The following ZMIZ1 variants were observed in gnomAD, a reference collection of about 807,000 sequenced individuals.
The protein encoded by ZMIZ1 is zinc finger MIZ-type containing 1, also known as zinc finger MIZ domain-containing protein 1.
In ZMIZ1, 17 loss-of-function variants were observed where a neutral mutation model predicts 113.9. The ratio of observed to expected loss-of-function variants is 0.15; its 90% CI spans 0.10 to 0.22. The LOEUF is 0.22. Among genes scored for constraint, ZMIZ1 ranks in the 10% least tolerant of loss-of-function variants. The pLI is 1.00. For missense variants in ZMIZ1, 1,059 were observed against 1,477.8 expected (o/e 0.72, Z 4.65); for synonymous variants, 607 against 603.1 (o/e 1.01, Z -0.09).
intron 7 of ZMIZ1, among the ~76,000 whole-genome samples, chr10:79,261,403 G>C (rs373714438): frequency 5.9e-5 from 9 of 152,344 alleles, no homozygotes; most frequent in African/African-American, 1.9e-4. Flanking sequence ...AGGCGCTGGA[G>C]GGGGAGGAGG....
chr10:79,231,387 G>A (rs1849388058), intron 7 of ZMIZ1, among the ~76,000 whole-genome samples: 1 of 152,026 alleles, frequency 6.6e-6, no homozygotes, highest in Non-Finnish European at 1.5e-5. Flanking sequence ...AGCTGGGGTT[G>A]CAGGCAACCA....
chr10:79,134,859 G>A lies in ZMIZ1; in HGVS notation c.-226-4823G>A, dbSNP rs112281292. Among the ~76,000 whole-genome samples, 186 of 150,842 alleles carry A rather than the reference G, an allele frequency of 1.2e-3. 1 individual carries two copies. Among genetic ancestry groups the A allele is most frequent in the African/African-American group, 4.3e-3 (178 of 41,078 alleles). Reference sequence around the variant, plus strand: ...GTTTTTTTTTTTGAGATGGAGTTTCGCTCTTGTTGCCCAGGCTGGTGCTAT... The same window carrying A: ...GTTTTTTTTTTTGAGATGGAGTTTCACTCTTGTTGCCCAGGCTGGTGCTAT... On this transcript the variant is annotated intron_variant, in intron 2 of 24. Transcript: ENST00000334512.
At position 79,076,901 on chromosome 10, in the gene ZMIZ1, GGGACCTGTTTAAGCCAAGA is replaced by G. The variant is rs554427384; in HGVS notation, c.-337+7635_-337+7653del. Among the ~76,000 whole-genome samples the G allele has an allele frequency of 4.6e-5, 7 of 152,214 alleles. No homozygotes were observed. In the South Asian group the frequency reaches 1.5e-3, roughly 32 times the overall value. Reference sequence around the variant, plus strand: ...GAGGGTACAAGGTTTCTCATCTGCCGGGACCTGTTTAAGCCAAGAGGATGGTAGCTTCCCATACCTCCCC... The same window carrying G: ...GAGGGTACAAGGTTTCTCATCTGCCGGGATGGTAGCTTCCCATACCTCCCC... On this transcript the variant is annotated intron_variant, in intron 1 of 24. Transcript: ENST00000334512.
intron 9 of ZMIZ1, 82 bp downstream of exon 9, chr10:79,289,971 C>T (rs1589574051): frequency 2.9e-6 from 4 of 1,369,572 alleles, no homozygotes; most frequent in South Asian, 1.3e-5. Flanking sequence ...CAGCCCTCTT[C>T]ACCCTCACAG....
At chr10:79,084,521 T>C (rs914422346) in intron 1 of ZMIZ1, among the ~76,000 whole-genome samples, 2 of 152,218 alleles carry the variant, frequency 1.3e-5, no homozygotes, top group Non-Finnish European at 2.9e-5. Flanking sequence ...AAGATGGCCA[T>C]GCTGAGGTTC....
At chr10:79,213,690 G>T (rs1250582) in intron 6 of ZMIZ1, among the ~76,000 whole-genome samples, 55,417 of 152,098 alleles carry the variant, frequency 0.36, 11,155 homozygotes, top group Non-Finnish European at 0.47. Flanking sequence ...CTCAGTGCAG[G>T]TTGGAAGTTA....
chr10:79,085,828 G>A (rs895465023), intron 1 of ZMIZ1, among the ~76,000 whole-genome samples: 4 of 152,154 alleles, frequency 2.6e-5, no homozygotes, highest in African/African-American at 9.7e-5. Flanking sequence ...GGACCTGAGT[G>A]GCCATCACAA....
intron 2 of ZMIZ1, among the ~76,000 whole-genome samples, chr10:79,120,074 C>T (rs1361631814): frequency 6.6e-6 from 1 of 151,912 alleles, no homozygotes. Flanking sequence ...GGGAGGTGAC[C>T]ACAAGTGAGT....
chr10:79,099,556 G>A (rs916386300), intron 1 of ZMIZ1, among the ~76,000 whole-genome samples: 1 of 152,206 alleles, frequency 6.6e-6, no homozygotes, highest in Non-Finnish European at 1.5e-5. Flanking sequence ...GGGAGCGGTG[G>A]CCTCTGGGCC....
rs1842198619 is a variant in ZMIZ1 at position 79,069,951 on chromosome 10, A to G, written c.-337+681A>G. ...CGCAAGCCAGAGGGGCGCTCAGGCC[A>G]GTGCCTGGACGGGGCTGCCCCGGCC... On this transcript the variant is annotated intron_variant, in intron 1 of 24. Coordinates refer to ENST00000334512, the MANE Select transcript of ZMIZ1 (RefSeq NM_020338.4). The surrounding 1 kb of genome is among the most constrained non-coding windows in gnomAD (Gnocchi z 4.6). Among the ~76,000 whole-genome samples, 1 of 151,640 alleles carries G rather than the reference A, an allele frequency of 6.6e-6. No individual in the cohort carries two copies. Among genetic ancestry groups the G allele is most frequent in the Admixed American group, 6.6e-5 (1 of 15,234 alleles).
Position 79,308,646 on chromosome 10 carries a change from C to T in ZMIZ1, c.2835+1075C>T, listed in dbSNP as rs114983906. Reference sequence around the variant, plus strand: ...CCCTCAGGACCCCAGGAGTCCAAGTCGGAAATAGATGCTTTGTGGAGCTTT... The same window carrying T: ...CCCTCAGGACCCCAGGAGTCCAAGTTGGAAATAGATGCTTTGTGGAGCTTT... On this transcript the variant is annotated intron_variant, in intron 23 of 24. Coordinates refer to ENST00000334512, the MANE Select transcript of ZMIZ1 (RefSeq NM_020338.4). Among the ~76,000 whole-genome samples the T allele has an allele frequency of 4.4e-3, 672 of 152,284 alleles. 4 individuals are homozygous for T. Among genetic ancestry groups the T allele is most frequent in the African/African-American group, 0.015 (629 of 41,560 alleles).
rs541817800 is a variant in ZMIZ1, at chr10:79,069,604, C to T, written c.-337+334C>T. Among the ~76,000 whole-genome samples the T allele has an allele frequency of 2.6e-5, 4 of 151,996 alleles. No individual in the cohort carries two copies. The highest frequency in any genetic ancestry group is 9.6e-5 in the African/African-American group (4 of 41,486). ...GCCGGCGCGCCTCCAGCCCTCGCTC[C>T]CTACACCCGGGGGCCGGGCAGGACC... On this transcript the variant is annotated intron_variant, in intron 1 of 24. Coordinates refer to ENST00000334512, the MANE Select transcript of ZMIZ1 (RefSeq NM_020338.4). This position sits in a 1 kb window ranked among gnomAD's most constrained non-coding sequence, Gnocchi z 4.6.
At chr10:79,236,447 T>C (rs1346829796) in intron 7 of ZMIZ1, among the ~76,000 whole-genome samples, 2 of 152,204 alleles carry the variant, frequency 1.3e-5, no homozygotes, top group African/African-American at 4.8e-5. Context: ...ATCAAAGCTG[T>C]GTCCTGGGAG....
chr10:79,179,967 G>A (rs1417979116), intron 4 of ZMIZ1, among the ~76,000 whole-genome samples: 3 of 152,252 alleles, frequency 2.0e-5, no homozygotes, highest in African/African-American at 7.2e-5. Context: ...GGCCAACGGG[G>A]CAGGCTGGGC....
chr10:79,308,152 GC>G (rs1468743739), intron 23 of ZMIZ1, among the ~76,000 whole-genome samples: 11 of 152,174 alleles, frequency 7.2e-5, no homozygotes, highest in Non-Finnish European at 2.9e-5. Context: ...CCTTCCTGTG[GC>G]CCCAGTGGCA....
At chr10:79,310,493 C>T (rs930804088) in intron 23 of ZMIZ1, among the ~76,000 whole-genome samples, 3 of 152,194 alleles carry the variant, frequency 2.0e-5, no homozygotes, top group Admixed American at 6.5e-5. Context: ...TGCTCTCTGC[C>T]GCCCAGCTTG....
intron 7 of ZMIZ1, among the ~76,000 whole-genome samples, chr10:79,247,222 A>C (rs889105499): frequency 6.6e-6 from 1 of 152,214 alleles, no homozygotes; most frequent in African/African-American, 2.4e-5. Flanking sequence ...GAGGGATGCG[A>C]GGACCTTTGG....
chr10:79,185,041 C>T (rs945183593), intron 4 of ZMIZ1, among the ~76,000 whole-genome samples: 37 of 152,166 alleles, frequency 2.4e-4, no homozygotes, highest in Non-Finnish European at 4.4e-5. Context: ...GCAGAGCCAA[C>T]ATTTTTGCAC....
intron 23 of ZMIZ1, 34 bp from the exon 24 acceptor site, chr10:79,310,890 C>G: frequency 6.3e-7 from 1 of 1,597,384 alleles, no homozygotes; most frequent in Non-Finnish European, 8.6e-7. Flanking sequence ...CCTCACCTCA[C>G]CTCTCTTCTC....
Sources: allele counts gnomAD v4.1 joint callset (sites outside exome capture counted in the v4.1 genomes callset), GRCh38; gene constraint gnomAD v4.1.1; non-coding constraint Gnocchi (gnomAD v3.1); transcripts MANE v1.5; gene names NCBI Gene and HGNC (gene_info 2026-07-23, HGNC 2026-07-21).